MEGF10: variants seen among roughly 807,000 people sequenced by gnomAD.
MEGF10 encodes the protein multiple epidermal growth factor-like domains protein 10.
In MEGF10, 86 loss-of-function variants were observed where a neutral mutation model predicts 147.5. The ratio of observed to expected loss-of-function variants is 0.58; its 90% CI spans 0.49 to 0.70. The LOEUF (loss-of-function observed/expected upper bound fraction) is 0.70, where lower values mean the gene tolerates loss of function less well. Among genes scored for constraint, MEGF10 ranks in the 30% least tolerant of loss-of-function variants. The pLI, the probability that MEGF10 is intolerant of heterozygous loss-of-function variation, is 0.00. For synonymous variants in MEGF10, 478 were observed against 525.5 expected (o/e 0.91, Z 1.24); for missense variants, 1,329 against 1,487.3 (o/e 0.89, Z 1.75).
chr5:127,417,310 T>C (rs1346260857), intron 9 of MEGF10, among the ~76,000 whole-genome samples: 1 of 152,190 alleles, frequency 6.6e-6, no homozygotes, highest in Non-Finnish European at 1.5e-5. Context: ...TGGATGGAGT[T>C]TTTTTAGCTC....
intron 2 of MEGF10, among the ~76,000 whole-genome samples, chr5:127,338,393 G>A (rs1353669932): frequency 6.6e-6 from 1 of 152,020 alleles, no homozygotes; most frequent in African/African-American, 2.4e-5. Context: ...ATATTTCATG[G>A]ATGTTTTCCA....
intron 17 of MEGF10, 62 bp from the exon 18 acceptor site, chr5:127,440,677 G>A (rs1327499575): frequency 8.3e-6 from 13 of 1,574,138 alleles, no homozygotes; most frequent in South Asian, 1.2e-5. Context: ...TTGGAGGCAC[G>A]AGCCTCCAAG....
At chr5:127,323,720 G>A (rs1202145205) in intron 1 of MEGF10, among the ~76,000 whole-genome samples, 2 of 152,226 alleles carry the variant, frequency 1.3e-5, no homozygotes, top group East Asian at 3.8e-4. Context: ...CTGTGGGCTA[G>A]GAAGTTGAGA....
At chr5:127,416,189 C>T (rs1025747218) in intron 9 of MEGF10, among the ~76,000 whole-genome samples, 6 of 151,804 alleles carry the variant, frequency 4.0e-5, no homozygotes, top group Non-Finnish European at 8.8e-5. Flanking sequence ...CACCACGCCC[C>T]GCTAATTTTT....
intron 5 of MEGF10, 54 bp downstream of exon 5, chr5:127,370,056 C>G (rs1278340272): frequency 1.4e-6 from 2 of 1,379,846 alleles, no homozygotes; most frequent in African/African-American, 2.8e-5. Context: ...GTAAGGCCCT[C>G]CTTGTCTGCA....
At chr5:127,381,509 G>A (rs1237794568) in intron 5 of MEGF10, among the ~76,000 whole-genome samples, 1 of 152,200 alleles carries the variant, frequency 6.6e-6, no homozygotes, top group African/African-American at 2.4e-5. Flanking sequence ...AGATGGTGCT[G>A]TAGACCTGCT....
At chr5:127,342,972 C>T (rs1323836997) in intron 4 of MEGF10, among the ~76,000 whole-genome samples, 7 of 152,054 alleles carry the variant, frequency 4.6e-5, no homozygotes, top group African/African-American at 1.7e-4. Flanking sequence ...TGCTTCCCCA[C>T]ACCCCCACCC....
At chr5:127,427,029 T>C (rs950464923) in intron 13 of MEGF10, among the ~76,000 whole-genome samples, 9 of 152,210 alleles carry the variant, frequency 5.9e-5, no homozygotes, top group Non-Finnish European at 2.9e-5. Flanking sequence ...GCAACTTTGA[T>C]ACAAATTTGG....
chr5:127,362,703 T>A (rs375590335), intron 4 of MEGF10, among the ~76,000 whole-genome samples: 1 of 152,188 alleles, frequency 6.6e-6, no homozygotes, highest in Non-Finnish European at 1.5e-5. Context: ...CTTGTACTTA[T>A]AAGCAGCATA....
chr5:127,258,841 A>T, the MEGF10 span, among the ~76,000 whole-genome samples: 2 of 152,194 alleles, frequency 1.3e-5, no homozygotes, highest in African/African-American at 4.8e-5. Flanking sequence ...TGAACTTCCC[A>T]GCCTCCAGAA....
chr5:127,295,748 C>T (rs1759467456), intron 1 of MEGF10, among the ~76,000 whole-genome samples: 2 of 152,184 alleles, frequency 1.3e-5, no homozygotes, highest in Admixed American at 6.5e-5. Context: ...TGATGGACTT[C>T]AAACGAAGCA....
chr5:127,344,347 A>G (rs1266172019), intron 4 of MEGF10, among the ~76,000 whole-genome samples: 1 of 152,208 alleles, frequency 6.6e-6, no homozygotes, highest in Admixed American at 6.5e-5. Context: ...TAAAATTTCT[A>G]AAACATTATG....
At chr5:127,246,001 T>G in the MEGF10 span, among the ~76,000 whole-genome samples, 2 of 152,166 alleles carry the variant, frequency 1.3e-5, no homozygotes, top group African/African-American at 4.8e-5. Context: ...TTTTTCACTG[T>G]TGGTGGGAGT....
chr5:127,446,330 G>T (rs79409312), intron 20 of MEGF10, among the ~76,000 whole-genome samples: 3,966 of 152,264 alleles, frequency 0.026, 49 homozygotes, highest in East Asian at 0.045. Flanking sequence ...TACTTTTTGG[G>T]TGATTATTGA....
chr5:127,247,380 G>C, the MEGF10 span, among the ~76,000 whole-genome samples: 30 of 14,384 alleles, frequency 2.1e-3, 2 homozygotes, highest in South Asian at 7.6e-3. Context: ...AGAAGAAGAA[G>C]AAGAAGAAGA....
rs535304246 is a variant in MEGF10, at chr5:127,427,704, A to G, written c.1693+4932A>G. On this transcript the variant is annotated intron_variant, in intron 13 of 24. Coordinates refer to ENST00000503335, the MANE Select transcript of MEGF10 (RefSeq NM_001256545.2). ...GAGTGAGCTGCTACTTCAGGGACTA[A>G]TCTGTCGTGAGGTGATGTCTCATGC... Among the ~76,000 whole-genome samples the G allele has an allele frequency of 2.2e-3, 330 of 152,280 alleles. 1 individual carries two copies. The highest frequency in any genetic ancestry group is 7.6e-3 in the African/African-American group (314 of 41,564).
Position 127,440,846 on chromosome 5 carries a change from A to C in MEGF10, c.2341A>C (p.Met781Leu), listed in dbSNP as rs1293120056. 1.9e-6 allele frequency: 3 copies of C among 1,614,112 alleles called. No individual in the cohort carries two copies. The highest frequency in any genetic ancestry group is 2.2e-5 in the East Asian group (1 of 44,870). ...GCAGTGTACTTGCCGCACTGGATTCATGGGACGGCACTGTGAGCAGAGTAA... is the reference window on the plus strand; with the variant it reads ...GCAGTGTACTTGCCGCACTGGATTCCTGGGACGGCACTGTGAGCAGAGTAA... The part of the protein sequence containing the change: ...SGQCTCRTGF[M>L]GRHCEQKCPS... Residue 781 changes from methionine to leucine, a missense_variant, in exon 18 of 25, where the codon ATG becomes CTG. Coordinates refer to ENST00000503335, the MANE Select transcript of MEGF10 (RefSeq NM_001256545.2).
intron 5 of MEGF10, 30 bp downstream of exon 5, chr5:127,370,032 G>A (rs201031109): frequency 2.7e-5 from 43 of 1,586,726 alleles, no homozygotes; most frequent in African/African-American, 2.3e-4. Context: ...TGTCTGTCTC[G>A]GGATGTTTTT....
At chr5:127,426,564 C>G (rs2126986978) in intron 13 of MEGF10, among the ~76,000 whole-genome samples, 1 of 152,158 alleles carries the variant, frequency 6.6e-6, no homozygotes, top group East Asian at 1.9e-4. Flanking sequence ...CTCTGGACCT[C>G]TGGTACACAC....
Sources: allele counts gnomAD v4.1 joint callset (sites outside exome capture counted in the v4.1 genomes callset), GRCh38; gene constraint gnomAD v4.1.1; transcripts MANE v1.5; gene names NCBI Gene and HGNC (gene_info 2026-07-23, HGNC 2026-07-21).